Variants in SEMA4D observed in about 807,000 individuals in gnomAD.
SEMA4D encodes semaphorin-4D.
In SEMA4D, 22 loss-of-function variants were observed where a neutral mutation model predicts 74.8. That is an observed-to-expected ratio of 0.29 (90% confidence interval 0.21 to 0.42). The LOEUF (loss-of-function observed/expected upper bound fraction) is 0.42. SEMA4D is among the 10% of genes least tolerant of loss of function. SEMA4D has a pLI of 1.00. For synonymous variants in SEMA4D, 445 were observed against 463.7 expected (o/e 0.96, Z 0.52); for missense variants, 937 against 1,118.4 (o/e 0.84, Z 2.31).
In SEMA4D at chr9:89,379,109, A is replaced by G; in HGVS notation, c.2184T>C (p.Leu728=). ...PQLHSEKTMY[L]KSSDNRLLMS... is the part of the protein sequence containing the mutation. ...TGAGGAGGCGGTTGTCGCTGGACTT[A>G]AGATACATGGTTTTCTCCGAGTGGA... The change falls in exon 16 of 16, where the codon CTT becomes CTC. Residue 728 remains leucine, a synonymous_variant. Transcript: ENST00000422704. 6.2e-7 allele frequency: 1 copy of G among 1,614,184 alleles called. No homozygotes were observed. Among genetic ancestry groups the G allele is most frequent in the Non-Finnish European group, 8.5e-7 (1 of 1,180,040 alleles).
chr9:89,370,398 G>A (rs1395363290), intron 16 of SEMA4D, among the ~76,000 whole-genome samples: 10 of 150,450 alleles, frequency 6.6e-5, no homozygotes, highest in Non-Finnish European at 1.0e-4. Flanking sequence ...TATGCGTGGC[G>A]TGTGGTGTGT....
Position 89,485,288 on chromosome 9 carries a change from T to A in SEMA4D, c.-310+12631A>T, listed in dbSNP as rs139656854. Among the ~76,000 whole-genome samples, 822 of 152,300 alleles carry A rather than the reference T, an allele frequency of 5.4e-3. 7 individuals are homozygous for A. The highest frequency in any genetic ancestry group is 0.018 in the African/African-American group (734 of 41,534). On this transcript the variant is annotated intron_variant, in intron 1 of 15. Coordinates refer to ENST00000422704, the MANE Select transcript of SEMA4D (RefSeq NM_001371194.2). ...ATTAGGCATATTTTACACTAGATTTTCAAAGAGTGACCAATGTTACTATGG... is the reference window on the plus strand; with the variant it reads ...ATTAGGCATATTTTACACTAGATTTACAAAGAGTGACCAATGTTACTATGG...
chr9:89,396,711 C>G, intron 6 of SEMA4D, 26 bp downstream of exon 6: 1 of 1,593,748 alleles, frequency 6.3e-7, no homozygotes, highest in Non-Finnish European at 8.6e-7. Flanking sequence ...CTGGCGTGAG[C>G]ACAGGGAGGT....
chr9:89,386,490 GC>G lies in SEMA4D; in HGVS notation c.1331-9del. 2 of 1,605,078 alleles carry G rather than the reference GC, an allele frequency of 1.2e-6. No individual in the cohort carries two copies. The highest frequency in any genetic ancestry group is 1.7e-6 in the Non-Finnish European group (2 of 1,171,986). On this transcript the variant is annotated splice_polypyrimidine_tract_variant and intron_variant, in intron 12 of 15. Transcript: ENST00000422704. ...TGTGCAGAGCTCCCCGGTCTGCAGGGCCAAAGCTACAGGTCAGTGACACTAA... is the reference window on the plus strand; with the variant it reads ...TGTGCAGAGCTCCCCGGTCTGCAGGGCAAAGCTACAGGTCAGTGACACTAA...
chr9:89,447,362 T>C (rs55869198), intron 2 of SEMA4D, among the ~76,000 whole-genome samples: 23,622 of 151,552 alleles, frequency 0.16, 2,443 homozygotes, highest in South Asian at 0.23. Flanking sequence ...AATAAGCACC[T>C]CAAGCTTCCT....
At chr9:89,440,527 C>A (rs566789381) in intron 2 of SEMA4D, among the ~76,000 whole-genome samples, 1 of 152,180 alleles carries the variant, frequency 6.6e-6, no homozygotes, top group East Asian at 1.9e-4. Context: ...CCACACTCAG[C>A]CCCCAAGGAG....
chr9:89,404,376 A>AG (rs1263444585), intron 3 of SEMA4D, among the ~76,000 whole-genome samples: 1 of 152,138 alleles, frequency 6.6e-6, no homozygotes, highest in Non-Finnish European at 1.5e-5. Context: ...CCAAATCAGG[A>AG]GGTCTGCACG....
chr9:89,400,841 A>G (rs1842065588), intron 4 of SEMA4D, among the ~76,000 whole-genome samples: 2 of 152,142 alleles, frequency 1.3e-5, no homozygotes, highest in African/African-American at 4.8e-5. Context: ...AGGGACCACC[A>G]TGGTGTCATT....
chr9:89,455,538 G>A (rs1855730010), intron 2 of SEMA4D, among the ~76,000 whole-genome samples: 1 of 152,184 alleles, frequency 6.6e-6, no homozygotes, highest in African/African-American at 2.4e-5. Flanking sequence ...CTCCTCAACT[G>A]GGGCCCTTCC....
Position 89,378,926 on chromosome 9 carries a change from C to T in SEMA4D, c.2367G>A (p.Leu789=), listed in dbSNP as rs771283955. 2.5e-6 allele frequency: 4 copies of T among 1,614,214 alleles called. No homozygotes were observed. In the South Asian group the frequency reaches 4.4e-5, roughly 18 times the overall value. ...KSDFCDREQS[L]KETLVEPGSF... ...TCCCTGGCTCTACTAACGTCTCCTT[C>T]AGGCTCTGCTCACGGTCACAGAAAT... The change falls in exon 16 of 16, where the codon CTG becomes CTA. Residue 789 remains leucine, a synonymous_variant. Transcript: ENST00000422704.
chr9:89,426,450 C>T (rs1278668513), intron 2 of SEMA4D, among the ~76,000 whole-genome samples: 1 of 152,190 alleles, frequency 6.6e-6, no homozygotes, highest in Non-Finnish European at 1.5e-5. Context: ...CTATCCGGGC[C>T]TCCTCCCCAG....
At chr9:89,423,427 T>C (rs1847395899) in intron 2 of SEMA4D, among the ~76,000 whole-genome samples, 1 of 152,164 alleles carries the variant, frequency 6.6e-6, no homozygotes, top group African/African-American at 2.4e-5. Context: ...CCAACCTCGG[T>C]GATCCGTCCA....
intron 1 of SEMA4D, among the ~76,000 whole-genome samples, chr9:89,478,776 A>ACCCCC (rs1563986862): frequency 1.4e-5 from 1 of 72,380 alleles, no homozygotes; most frequent in African/African-American, 5.4e-5. Flanking sequence ...ACCCCACCCC[A>ACCCCC]CCCCACCCCA....
intron 2 of SEMA4D, among the ~76,000 whole-genome samples, chr9:89,442,597 C>G (rs1564803456): frequency 6.6e-6 from 1 of 152,122 alleles, no homozygotes; most frequent in Non-Finnish European, 1.5e-5. Context: ...GCTAGAAACA[C>G]AGAGTTCAAG....
chr9:89,427,866 T>C (rs1848428215), intron 2 of SEMA4D, among the ~76,000 whole-genome samples: 1 of 152,132 alleles, frequency 6.6e-6, no homozygotes, highest in African/African-American at 2.4e-5. Flanking sequence ...CTGTCACTCA[T>C]TGCCCCCCAC....
chr9:89,470,822 A>G (rs1259653263), intron 1 of SEMA4D, among the ~76,000 whole-genome samples: 1 of 152,252 alleles, frequency 6.6e-6, no homozygotes, highest in Non-Finnish European at 1.5e-5. Context: ...GCGTGGTTCC[A>G]TTATATGACA....
exon 19 of SEMA4D, chr9:89,362,402 C>T (rs1832827587): frequency 6.2e-7 from 1 of 1,614,068 alleles, no homozygotes; most frequent in Non-Finnish European, 8.5e-7. Context: ...TTCCTGGTGG[C>T]TACAGGGTGT....
chr9:89,418,260 T>G, intron 2 of SEMA4D: 1 of 705,412 alleles, frequency 1.4e-6, no homozygotes, highest in Non-Finnish European at 1.7e-6. Context: ...AGGATCAGCT[T>G]GGCTTGCATG....
At chr9:89,399,364 G>A (rs1312446547) in intron 4 of SEMA4D, 26 bp from the exon 5 acceptor site, 4 of 1,552,740 alleles carry the variant, frequency 2.6e-6, no homozygotes, top group African/African-American at 2.7e-5. Flanking sequence ...CCATATCAGT[G>A]CATATTCTTT....
Sources: allele counts gnomAD v4.1 joint callset (sites outside exome capture counted in the v4.1 genomes callset), GRCh38; gene constraint gnomAD v4.1.1; transcripts MANE v1.5; gene names NCBI Gene and HGNC (gene_info 2026-07-23, HGNC 2026-07-21).